SCARF2: variants seen among roughly 807,000 people sequenced by gnomAD.
SCARF2 encodes the protein scavenger receptor expressed by endothelial cells 2 protein.
SCARF2 carries 39 observed loss-of-function variants against 73.4 expected under a neutral mutation model. That is an observed-to-expected ratio of 0.53 (90% CI 0.41 to 0.69). The LOEUF (loss-of-function observed/expected upper bound fraction) is 0.69. Among genes scored for constraint, SCARF2 ranks in the 30% least tolerant of loss-of-function variants. The pLI is 0.00. For missense variants in SCARF2, 1,148 were observed against 1,303.5 expected (o/e 0.88, Z 1.84); for synonymous variants, 605 against 590.0 (o/e 1.03, Z -0.37).
At position 20,431,167 on chromosome 22, in the gene SCARF2, C is replaced by T. The variant is rs762050969; in HGVS notation, c.705G>A (p.Thr235=). 5 of 1,565,168 alleles carry T rather than the reference C, an allele frequency of 3.2e-6. No homozygotes were observed. Among genetic ancestry groups the T allele is most frequent in the South Asian group, 1.2e-5 (1 of 86,706 alleles). Residue 235 remains threonine, a synonymous_variant, in exon 4 of 11, where the codon ACG becomes ACA. Transcript: ENST00000622235. ...AGTAGCGATCGCAGCGCGCGCCGAA[C>T]GTACGCTCGCGGCACTGACAGCGGC... The part of the protein sequence containing the change: ...QSGRCQCRER[T]FGARCDRYCQ...
chr22:20,425,514 G>A lies in SCARF2; in HGVS notation c.2462C>T (p.Thr821Ile). 1 of 1,355,926 alleles carries A rather than the reference G, an allele frequency of 7.4e-7. No individual in the cohort carries two copies. The highest frequency in any genetic ancestry group is 9.5e-7 in the Non-Finnish European group (1 of 1,056,406). 84.0% of individuals were successfully genotyped at this position (1,355,926 alleles called of 1,614,324 possible). Residue 821 changes from threonine to isoleucine, a missense_variant, in exon 11 of 11, where the codon ACC becomes ATC. Transcript: ENST00000622235. This position sits in a 1 kb window ranked among gnomAD's most constrained non-coding sequence, Gnocchi z 4.6. ...GGTCGCCGCCTTCTCAGGCCCCGGG[G>A]TTTCGGTCGCTGGGGGCGCGCGGGC... ...SPARAPPATETPGPEKAATDL... is the reference protein window; with the variant it reads ...SPARAPPATEIPGPEKAATDL...
chr22:20,434,101 G>A (rs545865364), intron 1 of SCARF2, among the ~76,000 whole-genome samples: 1 of 152,320 alleles, frequency 6.6e-6, no homozygotes, highest in Admixed American at 6.5e-5. Flanking sequence ...TAGCTATATA[G>A]TAGGGCTCTA....
Position 20,429,460 on chromosome 22 carries a change from G to T in SCARF2, c.1424+76C>A. The T allele has an allele frequency of 1.3e-6, 2 of 1,587,064 alleles. No homozygotes were observed. Among genetic ancestry groups the T allele is most frequent in the Non-Finnish European group, 1.7e-6 (2 of 1,168,846 alleles). ...CACGTCCGGGGCAGGGGCGCGGAAG[G>T]GTTGGATCTGGGTCCGGTGGCACCC... On this transcript the variant is annotated intron_variant, in intron 8 of 10. Transcript: ENST00000622235. The surrounding 1 kb of genome is among the most constrained non-coding windows in gnomAD (Gnocchi z 5.2).
intron 1 of SCARF2, among the ~76,000 whole-genome samples, chr22:20,436,341 G>A (rs1444061601): frequency 6.6e-6 from 1 of 152,098 alleles, no homozygotes; most frequent in Non-Finnish European, 1.5e-5. Context: ...GGAGTGAGTA[G>A]ACAGAGACCA....
rs766711136 is a variant in SCARF2 at position 20,429,373 on chromosome 22, G to A, written c.1425-33C>T. On this transcript the variant is annotated intron_variant, in intron 8 of 10. Transcript: ENST00000622235. The surrounding 1 kb of genome is among the most constrained non-coding windows in gnomAD (Gnocchi z 5.2). The stretch of plus-strand genomic sequence containing the variant: ...GGCGGGGTCTGAGCGGAGGGGCGGG[G>A]CCGGGGCGGGGCCCAGGGGCGATTA... The A allele has an allele frequency of 1.5e-5, 21 of 1,402,292 alleles. No homozygotes were observed. The Admixed American group carries it at 3.2e-4, about 21-fold the overall frequency. The allele number at this position is 1,402,292 out of a possible 1,614,324, so 86.9% of individuals were successfully genotyped here.
In SCARF2 at chr22:20,425,530, G is replaced by A. The variant is rs750783260; in HGVS notation, c.2446C>T (p.Pro816Ser). Residue 816 changes from proline (P) to serine (S), a missense_variant, in exon 11 of 11, where the codon CCC becomes TCC. This residue lies in a region of SCARF2 where 169 missense variants were observed against 136.9 expected (regional missense o/e 1.23). Transcript: ENST00000622235. The surrounding 1 kb of genome is among the most constrained non-coding windows in gnomAD (Gnocchi z 4.6). ...GGCCCCGGGGTTTCGGTCGCTGGGG[G>A]CGCGCGGGCGGGCGAGGCTGGCGGC... is the stretch of plus-strand genomic sequence containing the variant. Reference protein sequence around the residue: ...SVPPASPARAPPATETPGPEK... With the variant: ...SVPPASPARASPATETPGPEK... The A allele has an allele frequency of 1.5e-6, 2 of 1,345,892 alleles. No individual in the cohort carries two copies. Among genetic ancestry groups the A allele is most frequent in the Non-Finnish European group, 1.9e-6 (2 of 1,051,702 alleles). 83.4% of individuals were successfully genotyped at this position (1,345,892 alleles called of 1,614,324 possible).
intron 1 of SCARF2, among the ~76,000 whole-genome samples, chr22:20,434,246 A>T (rs370545841): frequency 1.3e-5 from 2 of 152,288 alleles, no homozygotes; most frequent in East Asian, 3.9e-4. Flanking sequence ...GTGAGCTGTG[A>T]TGGCACCACT....
At position 20,429,340 on chromosome 22, in the gene SCARF2, C is replaced by T; in HGVS notation, c.1425G>A (p.Arg475=). 6.2e-7 allele frequency: 1 copy of T among 1,610,054 alleles called. No homozygotes were observed. The part of the protein sequence containing the change: ...CACRGKDPTR[R]ELSLGRKKAP... ...CCTTCTTCCTCCCAAGCGAAAGCTC[C>T]CTGCGGGGGCGGGGTCTGAGCGGAG... The change falls in exon 9 of 11, where the codon CGG becomes CGA. Residue 475 remains arginine, a splice_region_variant and synonymous_variant. Coordinates refer to ENST00000622235, the MANE Select transcript of SCARF2 (RefSeq NM_182895.5). This position sits in a 1 kb window ranked among gnomAD's most constrained non-coding sequence, Gnocchi z 5.2.
At chr22:20,430,945 C>T (rs1157973072) in intron 4 of SCARF2, 37 bp from the exon 5 acceptor site, 3 of 1,562,736 alleles carry the variant, frequency 1.9e-6, no homozygotes, top group Non-Finnish European at 2.6e-6. Flanking sequence ...AGGCTGGGAC[C>T]CGCCTCACCC....
At position 20,437,440 on chromosome 22, in the gene SCARF2, C is replaced by A. The variant is rs1047626560; in HGVS notation, c.173+142G>T. Reference sequence around the variant, plus strand: ...CCCATGGCCGAGGCTGGGCCTGGAACGGAGCCGCGCTGGCTAGGGAGCCGA... The same window carrying A: ...CCCATGGCCGAGGCTGGGCCTGGAAAGGAGCCGCGCTGGCTAGGGAGCCGA... On this transcript the variant is annotated intron_variant, in intron 1 of 10. Transcript: ENST00000622235. 2.6e-5 allele frequency: 23 copies of A among 891,260 alleles called. No individual in the cohort carries two copies. In the African/African-American group the frequency reaches 3.7e-4, roughly 14 times the overall value. 55.2% of individuals were successfully genotyped at this position (891,260 alleles called of 1,614,324 possible). A position where few individuals can be genotyped will look rare whatever the true frequency, so the allele number is the denominator to read the frequency against.
At position 20,437,781 on chromosome 22, in the gene SCARF2, C is replaced by T; in HGVS notation, c.-27G>A. On this transcript the variant is annotated 5_prime_UTR_variant, in exon 1 of 11. Transcript: ENST00000622235. ...AGGCGCGGGGCAGGCGCGGGGCGGG[C>T]ACGGGCGCGGGTGCGGCCGCAGCGA... 1 of 944,396 alleles carries T rather than the reference C, an allele frequency of 1.1e-6. No individual in the cohort carries two copies. Among genetic ancestry groups the T allele is most frequent in the Non-Finnish European group, 1.3e-6 (1 of 792,990 alleles). 58.5% of individuals were successfully genotyped at this position (944,396 alleles called of 1,614,324 possible).
Position 20,429,636 on chromosome 22 carries a change from C to T in SCARF2, c.1324G>A (p.Gly442Ser). ...AGCAGCGCGCCCGCGCCCATCACGC[C>T]CTTGCGCTGGTTGGTTTCTGTAGGG... ...ACHLETNQRKGVMGAGALLVL... is the reference protein window; with the variant it reads ...ACHLETNQRKSVMGAGALLVL... The change falls in exon 8 of 11, where the codon GGC (glycine) becomes AGC (serine). Residue 442 changes from glycine (G) to serine (S), a missense_variant. Physicochemically the swap from Gly to Ser is moderately conservative, Grantham distance 56. Around this residue, in one of 5 missense-constraint regions of SCARF2, gnomAD observed 437 missense variants for 433.6 expected, o/e 1.01. Transcript: ENST00000622235. This position sits in a 1 kb window ranked among gnomAD's most constrained non-coding sequence, Gnocchi z 5.2. The T allele has an allele frequency of 6.2e-7, 1 of 1,613,888 alleles. No homozygotes were observed. The highest frequency in any genetic ancestry group is 8.5e-7 in the Non-Finnish European group (1 of 1,179,944).
In SCARF2 at chr22:20,437,729, G is replaced by GC. The variant is rs1215759021; in HGVS notation, c.25dup (p.Ala9GlyfsTer119). The stretch of plus-strand genomic sequence containing the variant: ...GGCTCCCCGGCGCCGCGCCGGCCCG[G>GC]CCCCCCGGGGCCCTGCGCCCTCCAT... On this transcript the variant is annotated frameshift_variant, in exon 1 of 11. Coordinates refer to ENST00000622235, the MANE Select transcript of SCARF2 (RefSeq NM_182895.5). LOFTEE classifies it high-confidence loss of function. 4 of 1,248,358 alleles carry GC rather than the reference G, an allele frequency of 3.2e-6. No homozygotes were observed. The highest frequency in any genetic ancestry group is 1.6e-5 in the African/African-American group (1 of 62,004). 77.3% of individuals were successfully genotyped at this position (1,248,358 alleles called of 1,614,324 possible). A position where few individuals can be genotyped will look rare whatever the true frequency, so the allele number is the denominator to read the frequency against.
At position 20,431,550 on chromosome 22, in the gene SCARF2, A is replaced by G. The variant is rs1287118667; in HGVS notation, c.335-13T>C. Reference sequence around the variant, plus strand: ...TGGCGCGGGCACTCTGCAGGGGAGGAGCGGAGGGGGTGGAAGGCCCCGGTG... The same window carrying G: ...TGGCGCGGGCACTCTGCAGGGGAGGGGCGGAGGGGGTGGAAGGCCCCGGTG... On this transcript the variant is annotated splice_polypyrimidine_tract_variant and intron_variant, in intron 3 of 10. Transcript: ENST00000622235. 10 of 1,565,844 alleles carry G rather than the reference A, an allele frequency of 6.4e-6. No individual in the cohort carries two copies. The South Asian group carries it at 1.2e-4, about 18-fold the overall frequency.
intron 1 of SCARF2, 22 bp downstream of exon 1, chr22:20,437,560 C>T (rs1468634371): frequency 6.4e-7 from 1 of 1,565,194 alleles, no homozygotes; most frequent in Non-Finnish European, 8.6e-7. Flanking sequence ...TCGCCCCCTC[C>T]CCCAGCCAGG....
In SCARF2 at chr22:20,425,531, C is replaced by T; in HGVS notation, c.2445G>A (p.Ala815=). 1 of 1,343,452 alleles carries T rather than the reference C, an allele frequency of 7.4e-7. No individual in the cohort carries two copies. Among genetic ancestry groups the T allele is most frequent in the Non-Finnish European group, 9.5e-7 (1 of 1,050,306 alleles). 83.2% of individuals were successfully genotyped at this position (1,343,452 alleles called of 1,614,324 possible). ...GCCCCGGGGTTTCGGTCGCTGGGGG[C>T]GCGCGGGCGGGCGAGGCTGGCGGCA... ...RSVPPASPAR[A]PPATETPGPE... Residue 815 remains alanine, a synonymous_variant, in exon 11 of 11, where the codon GCG becomes GCA. Transcript: ENST00000622235. The surrounding 1 kb of genome is among the most constrained non-coding windows in gnomAD (Gnocchi z 4.6).
At chr22:20,433,394 C>T (rs945722125) in intron 1 of SCARF2, among the ~76,000 whole-genome samples, 6 of 152,186 alleles carry the variant, frequency 3.9e-5, no homozygotes, top group African/African-American at 1.4e-4. Context: ...AATCTAGAAC[C>T]GGAAGGTGGT....
chr22:20,425,388 G>A lies in SCARF2; in HGVS notation c.2588C>T (p.Ala863Val), dbSNP rs748750395. 1.3e-5 allele frequency: 18 copies of A among 1,425,106 alleles called. No homozygotes were observed. The highest frequency in any genetic ancestry group is 2.5e-5 in the Admixed American group (1 of 40,470). The allele number at this position is 1,425,106 out of a possible 1,614,324, so 88.3% of individuals were successfully genotyped here. Residue 863 changes from alanine (A) to valine (V), a missense_variant, in exon 11 of 11, where the codon GCA (alanine) becomes GTA (valine). This residue lies in a region of SCARF2 where 169 missense variants were observed against 136.9 expected (regional missense o/e 1.23). Coordinates refer to ENST00000622235, the MANE Select transcript of SCARF2 (RefSeq NM_182895.5). The surrounding 1 kb of genome is among the most constrained non-coding windows in gnomAD (Gnocchi z 4.6). ...AGCCACAGCCTGCTACAGGGTGGGT[G>A]CGCCCGCCCTGCCCAGCTCGCCCGC... is the stretch of plus-strand genomic sequence containing the variant. ...EAAGELGRAG[A>V]PTL
rs867388186 is a variant in SCARF2 at position 20,437,655 on chromosome 22, G to A, written c.100C>T (p.Leu34Phe). Reference protein sequence around the residue: ...LLPSLLLLLLLWMLPDTVAPQ... With the variant: ...LLPSLLLLLLFWMLPDTVAPQ... ...GCCACGGTGTCCGGCAGCATCCAGA[G>A]CAGCAGCAGCAGCAGCAGCGACGGC... Residue 34 changes from leucine (L) to phenylalanine (F), a missense_variant, in exon 1 of 11, where the codon CTC (leucine) becomes TTC (phenylalanine). Physicochemically the swap from Leu to Phe is conservative, Grantham distance 22 (BLOSUM62 0). Around this residue, in one of 5 missense-constraint regions of SCARF2, gnomAD observed 124 missense variants for 120.4 expected, o/e 1.03. Transcript: ENST00000622235. The A allele has an allele frequency of 6.8e-7, 1 of 1,468,162 alleles. No individual in the cohort carries two copies. The highest frequency in any genetic ancestry group is 9.0e-7 in the Non-Finnish European group (1 of 1,105,910). The allele number at this position is 1,468,162 out of a possible 1,614,324, so 90.9% of individuals were successfully genotyped here.
Sources: gnomAD v4.1 joint callset for allele counts (sites outside exome capture counted in the v4.1 genomes callset) on GRCh38, gnomAD v4.1.1 for gene constraint, gnomAD v4.1.1 regional missense constraint, Gnocchi (gnomAD v3.1) non-coding constraint, MANE v1.5 for transcripts, NCBI Gene and HGNC (gene_info 2026-07-23, HGNC 2026-07-21) for gene names.